HELZ: variants seen among roughly 807,000 people sequenced by gnomAD.
The protein encoded by HELZ is ATP-dependent RNA helicase with zinc finger domain.
In HELZ, 23 loss-of-function variants were observed where a neutral mutation model predicts 218.2. The observed-to-expected ratio is 0.11, with a 90% CI of 0.08 to 0.15. HELZ has a LOEUF of 0.15. HELZ is among the 10% of genes least tolerant of loss of function. The probability of loss-of-function intolerance (pLI) is 1.00; values close to 1 mark genes in which losing one functional copy is unlikely to be tolerated. For synonymous variants in HELZ, 814 were observed against 829.4 expected, an observed-to-expected ratio of 0.98 and a Z score of 0.32; for missense variants, 1,813 against 2,353.7, an observed-to-expected ratio of 0.77 and a Z score of 4.75.
Position 67,203,441 on chromosome 17 carries a change from G to C in HELZ, c.250C>G (p.Leu84Val). 6.2e-7 allele frequency: 1 copy of C among 1,613,334 alleles called. No homozygotes were observed. The highest frequency in any genetic ancestry group is 8.5e-7 in the Non-Finnish European group (1 of 1,179,670). ...TCTCCCTTGGCCAGTCCTTCTCCCA[G>C]CACTGCCATGAAAGAACAGCCATCA... ...VQADEDCRHVLGEGLAKGEDA... is the reference protein window; with the variant it reads ...VQADEDCRHVVGEGLAKGEDA... Residue 84 changes from leucine (L) to valine (V), a missense_variant and splice_region_variant, in exon 6 of 33, where the codon CTG becomes GTG. Transcript: ENST00000358691.
intron 5 of HELZ, among the ~76,000 whole-genome samples, chr17:67,214,264 T>C (rs1598435095): frequency 8.2e-6 from 1 of 121,272 alleles, no homozygotes; most frequent in African/African-American, 2.8e-5. Context: ...TATTTCTTTT[T>C]TTTTTTTTTT....
chr17:67,229,950 A>AT (rs1462628611), intron 3 of HELZ, among the ~76,000 whole-genome samples: 11 of 152,202 alleles, frequency 7.2e-5, no homozygotes, highest in African/African-American at 2.7e-4. Flanking sequence ...TTGAATAATC[A>AT]TTTTCATAAA....
In HELZ at chr17:67,124,331, G is replaced by T. The variant is rs7215895; in HGVS notation, c.3388-317C>A. On this transcript the variant is annotated intron_variant, in intron 24 of 32. Coordinates refer to ENST00000358691, the MANE Select transcript of HELZ (RefSeq NM_014877.4). ...AACATGATTTAAATTTTATTCCTTTGCAGAAATAGAATTGCAGTTTCTCTA... is the reference window on the plus strand; with the variant it reads ...AACATGATTTAAATTTTATTCCTTTTCAGAAATAGAATTGCAGTTTCTCTA... Among the ~76,000 whole-genome samples the T allele has an allele frequency of 2.1e-3, 324 of 152,062 alleles. 1 individual carries two copies. The highest frequency in any genetic ancestry group is 7.5e-3 in the African/African-American group (310 of 41,474).
At chr17:67,224,126 C>G (rs1215592127) in intron 3 of HELZ, among the ~76,000 whole-genome samples, 1 of 152,196 alleles carries the variant, frequency 6.6e-6, no homozygotes, top group African/African-American at 2.4e-5. Context: ...CCAATCCGAG[C>G]CTCACAGCCC....
chr17:67,187,663 T>C (rs534169259), intron 12 of HELZ, among the ~76,000 whole-genome samples: 3 of 152,182 alleles, frequency 2.0e-5, no homozygotes, highest in Non-Finnish European at 4.4e-5. Flanking sequence ...GCAAAGGAAA[T>C]GTGGGCTAAC....
At chr17:67,117,522 A>T (rs1411831210) in intron 27 of HELZ, among the ~76,000 whole-genome samples, 2 of 152,080 alleles carry the variant, frequency 1.3e-5, no homozygotes, top group Non-Finnish European at 2.9e-5. Context: ...ACTTTAACAA[A>T]ATATGTGCAA....
chr17:67,173,902 C>T (rs911343834), intron 13 of HELZ, among the ~76,000 whole-genome samples: 5 of 152,202 alleles, frequency 3.3e-5, no homozygotes, highest in Admixed American at 2.6e-4. Context: ...CACTGAGAAG[C>T]CAGGCACAAT....
At chr17:67,160,822 C>G in intron 16 of HELZ, 75 bp downstream of exon 16, 1 of 1,100,290 alleles carries the variant, frequency 9.1e-7, no homozygotes, top group Non-Finnish European at 1.3e-6. Context: ...CTTGCTAGCC[C>G]TCATTGTGTA....
At position 67,072,563 on chromosome 17, in the gene HELZ, G is replaced by C. The variant is rs1343179327; in HGVS notation, c.*5689C>G. ...CAAACAAATGCACAGCTTCCAGACT[G>C]ATGTCCAGGCAGCAGCGTACACAAA... On this transcript the variant is annotated 3_prime_UTR_variant, in exon 33 of 33. Transcript: ENST00000358691. The C allele has an allele frequency of 6.6e-6, 1 of 152,640 alleles. No homozygotes were observed. The highest frequency in any genetic ancestry group is 2.4e-5 in the African/African-American group (1 of 41,390). The allele number at this position is 152,640 out of a possible 1,614,324, so 9.5% of individuals were successfully genotyped here.
intron 32 of HELZ, 38 bp from the exon 33 acceptor site, chr17:67,078,624 G>T: frequency 7.3e-7 from 1 of 1,370,058 alleles, no homozygotes; most frequent in Non-Finnish European, 9.7e-7. Flanking sequence ...TTAAGGATGA[G>T]CCCAGCAATG....
intron 17 of HELZ, among the ~76,000 whole-genome samples, chr17:67,155,932 A>G (rs778596493): frequency 6.7e-6 from 1 of 150,296 alleles, no homozygotes; most frequent in Non-Finnish European, 1.5e-5. Flanking sequence ...GTGTGTGTGT[A>G]TATATTATAC....
At chr17:67,119,667 A>G (rs2037537946) in intron 27 of HELZ, among the ~76,000 whole-genome samples, 1 of 152,170 alleles carries the variant, frequency 6.6e-6, no homozygotes, top group African/African-American at 2.4e-5. Flanking sequence ...TTTTCCTTGT[A>G]ATTCTAGCAG....
chr17:67,086,920 C>G lies in HELZ; in HGVS notation c.5403G>C (p.Pro1801=), dbSNP rs959017292. The G allele has an allele frequency of 6.2e-7, 1 of 1,612,982 alleles. No homozygotes were observed. Among genetic ancestry groups the G allele is most frequent in the African/African-American group, 1.3e-5 (1 of 74,558 alleles). ...ATGAGGTGGTGTTTACCCAGGACTC[C>G]GGGGATGAAAAGTTGAAAGAAGATT... ...SNQSSFNFSS[P]ESWVNTTSST... The change falls in exon 32 of 33, where the codon CCG becomes CCC. Residue 1801 remains proline, a synonymous_variant. Coordinates refer to ENST00000358691, the MANE Select transcript of HELZ (RefSeq NM_014877.4).
At chr17:67,102,428 T>C (rs576556557) in intron 31 of HELZ, among the ~76,000 whole-genome samples, 10 of 152,160 alleles carry the variant, frequency 6.6e-5, no homozygotes, top group Non-Finnish European at 1.0e-4. Flanking sequence ...AAATCAAAAT[T>C]ACTATAAAAA....
chr17:67,212,396 G>C (rs1031077734), intron 5 of HELZ, among the ~76,000 whole-genome samples: 3 of 148,112 alleles, frequency 2.0e-5, no homozygotes, highest in Non-Finnish European at 4.5e-5. Flanking sequence ...CTTAAACTAT[G>C]AGCTATCCAT....
intron 5 of HELZ, among the ~76,000 whole-genome samples, chr17:67,208,292 C>G (rs891761067): frequency 2.1e-4 from 32 of 152,162 alleles, no homozygotes; most frequent in African/African-American, 7.7e-4. Context: ...GGAGGCAGCA[C>G]AAGGGAGATC....
intron 31 of HELZ, among the ~76,000 whole-genome samples, chr17:67,103,676 T>C (rs2036998079): frequency 6.6e-6 from 1 of 152,226 alleles, no homozygotes; most frequent in Admixed American, 6.5e-5. Flanking sequence ...CCCAAATTAA[T>C]CTAGAGATTT....
chr17:67,096,238 A>G (rs2036743627), intron 31 of HELZ, among the ~76,000 whole-genome samples: 1 of 143,744 alleles, frequency 7.0e-6, no homozygotes, highest in Non-Finnish European at 1.5e-5. Flanking sequence ...TCCAGGCTTT[A>G]TTGTTCCATT....
chr17:67,120,501 G>A lies in HELZ; in HGVS notation c.3742C>T (p.Pro1248Ser). ...TGATGTCCAAGGCCATAAGGAATAGGAGATCCTCGTCCATGTGTCTGTAAT... is the reference window on the plus strand; with the variant it reads ...TGATGTCCAAGGCCATAAGGAATAGAAGATCCTCGTCCATGTGTCTGTAAT... The part of the protein sequence containing the change: ...NLLQTHGRGS[P>S]IPYGLGHHPP... Residue 1248 changes from proline to serine, a missense_variant, in exon 27 of 33, where the codon CCT (proline) becomes TCT (serine). Physicochemically the swap from Pro to Ser is moderately conservative, Grantham distance 74. Around this residue, in one of 4 missense-constraint regions of HELZ, gnomAD observed 938 missense variants for 1,027.5 expected, o/e 0.91. Coordinates refer to ENST00000358691, the MANE Select transcript of HELZ (RefSeq NM_014877.4). 1 of 1,613,866 alleles carries A rather than the reference G, an allele frequency of 6.2e-7. No individual in the cohort carries two copies. Among genetic ancestry groups the A allele is most frequent in the Non-Finnish European group, 8.5e-7 (1 of 1,179,892 alleles).
Sources: gnomAD v4.1 joint callset for allele counts (sites outside exome capture counted in the v4.1 genomes callset) on GRCh38, gnomAD v4.1.1 for gene constraint, gnomAD v4.1.1 regional missense constraint, MANE v1.5 for transcripts, NCBI Gene and HGNC (gene_info 2026-07-23, HGNC 2026-07-21) for gene names.